DAB1: variants seen among roughly 807,000 people sequenced by gnomAD.
The protein encoded by DAB1 is disabled homolog 1.
Under a neutral mutation model 64.6 loss-of-function variants are expected in DAB1, and 15 were observed. The ratio of observed to expected loss-of-function variants is 0.23; its 90% CI spans 0.16 to 0.36. The LOEUF (loss-of-function observed/expected upper bound fraction) is 0.36, where lower values mean the gene tolerates loss of function less well. Ranked by LOEUF, DAB1 falls within the 10% of genes least tolerant of loss-of-function variation. DAB1 has a pLI of 1.00. For missense variants in DAB1, 596 were observed against 706.7 expected, an observed-to-expected ratio of 0.84 and a Z score of 1.78; for synonymous variants, 235 against 251.9, an observed-to-expected ratio of 0.93 and a Z score of 0.64.
intron 5 of DAB1, among the ~76,000 whole-genome samples, chr1:58,077,020 T>C (rs1649694782): frequency 6.6e-6 from 1 of 152,184 alleles, no homozygotes; most frequent in Non-Finnish European, 1.5e-5. Flanking sequence ...TCAGGCCCTG[T>C]GCAAGCAAAG....
At chr1:57,453,317 T>G (rs1686460258) in intron 7 of DAB1, among the ~76,000 whole-genome samples, 1 of 152,188 alleles carries the variant, frequency 6.6e-6, no homozygotes, top group Admixed American at 6.5e-5. Context: ...TCTGTATTCA[T>G]GTATGAGAAA....
At chr1:57,143,848 T>A (rs1269045301) in intron 3 of DAB1, among the ~76,000 whole-genome samples, 1 of 151,864 alleles carries the variant, frequency 6.6e-6, no homozygotes, top group African/African-American at 2.4e-5. Flanking sequence ...CTTTTCTTTC[T>A]TTTACATTTG....
At chr1:58,519,025 TTA>T (rs1385056339) in intron 2 of DAB1, among the ~76,000 whole-genome samples, 1 of 152,172 alleles carries the variant, frequency 6.6e-6, no homozygotes, top group African/African-American at 2.4e-5. Flanking sequence ...AGTTCATGCA[TTA>T]TCTCTACACT....
At chr1:57,762,934 C>A (rs989633926) in intron 6 of DAB1, among the ~76,000 whole-genome samples, 3 of 152,194 alleles carry the variant, frequency 2.0e-5, no homozygotes, top group Non-Finnish European at 4.4e-5. Flanking sequence ...GTGGGCTAGG[C>A]CCTGACGTAG....
intron 4 of DAB1, among the ~76,000 whole-genome samples, chr1:58,201,151 G>C (rs532468491): frequency 3.7e-4 from 56 of 151,938 alleles, no homozygotes; most frequent in Admixed American, 2.5e-3. Context: ...CGAGTAACTG[G>C]GACTACAGGT....
At chr1:58,180,291 T>TTTC (rs1225331554) in intron 4 of DAB1, among the ~76,000 whole-genome samples, 32 of 119,392 alleles carry the variant, frequency 2.7e-4, no homozygotes, top group African/African-American at 6.7e-4. Flanking sequence ...CTTTTTTTTT[T>TTTC]TTTTTTTTTT....
chr1:58,043,428 C>T (rs551813061), intron 5 of DAB1, among the ~76,000 whole-genome samples: 1 of 152,286 alleles, frequency 6.6e-6, no homozygotes, highest in East Asian at 1.9e-4. Context: ...CAGAGACAGT[C>T]TAGCCCAAAC....
chr1:57,236,642 C>T (rs1246135870), intron 2 of DAB1, among the ~76,000 whole-genome samples: 1 of 152,172 alleles, frequency 6.6e-6, no homozygotes, highest in Non-Finnish European at 1.5e-5. Context: ...TGCTACAGAG[C>T]TTATCTTTTC....
rs59263518 is a variant in DAB1, at chr1:57,553,442, G to GAAAGAAAA, written n.625+96149_625+96150insTTTTCTTT. 5.3e-4 allele frequency among the ~76,000 whole-genome samples: 36 copies of GAAAGAAAA among 68,190 alleles called. 6 individuals are homozygous for GAAAGAAAA. The highest frequency in any genetic ancestry group is 9.8e-4 in the Non-Finnish European group (35 of 35,792). 44.7% of individuals were successfully genotyped at this position (68,190 alleles called of 152,430 possible). A position where few individuals can be genotyped will look rare whatever the true frequency, so the allele number is the denominator to read the frequency against. ...AGAAAGAAAGAAAGAAAGAAAGAAAGAGAAAGAAAGAAAGAAAGAGAAAGG... is the reference window on the plus strand; with the variant it reads ...AGAAAGAAAGAAAGAAAGAAAGAAAGAAAGAAAAAGAAAGAAAGAAAGAAAGAGAAAGG... On this transcript the variant is annotated intron_variant and non_coding_transcript_variant, in intron 7 of 20. Transcript: ENST00000485760.
intron 7 of DAB1, among the ~76,000 whole-genome samples, chr1:57,443,381 T>C (rs1210274961): frequency 6.6e-6 from 1 of 152,248 alleles, no homozygotes; most frequent in East Asian, 1.9e-4. Flanking sequence ...AACACATTCA[T>C]GTGCCATGTC....
chr1:58,230,381 A>G (rs1035053155), intron 4 of DAB1, among the ~76,000 whole-genome samples: 2 of 152,184 alleles, frequency 1.3e-5, no homozygotes, highest in Admixed American at 6.5e-5. Context: ...GTCATCACCA[A>G]TCTCCACATC....
chr1:57,592,996 C>T (rs1362244266), intron 7 of DAB1, among the ~76,000 whole-genome samples: 1 of 152,208 alleles, frequency 6.6e-6, no homozygotes, highest in African/African-American at 2.4e-5. Flanking sequence ...TGGAGAGACA[C>T]AGTTCAGTCC....
chr1:58,319,341 T>C lies in DAB1; in HGVS notation n.309+24011A>G, dbSNP rs188268877. ...TTCTGCTTCCTATTTCATTTTCACATTCCTTTTGCATTTGGATGCTTTCAC... is the reference window on the plus strand; with the variant it reads ...TTCTGCTTCCTATTTCATTTTCACACTCCTTTTGCATTTGGATGCTTTCAC... On this transcript the variant is annotated intron_variant and non_coding_transcript_variant, in intron 4 of 20. Transcript: ENST00000485760. 3.9e-5 allele frequency among the ~76,000 whole-genome samples: 6 copies of C among 152,362 alleles called. No homozygotes were observed. The East Asian group carries it at 1.2e-3, about 29-fold the overall frequency.
chr1:57,584,126 C>T (rs1570648865), intron 7 of DAB1, among the ~76,000 whole-genome samples: 1 of 152,202 alleles, frequency 6.6e-6, no homozygotes, highest in South Asian at 2.1e-4. Flanking sequence ...TTCAGCCACT[C>T]ATAAACTGTT....
chr1:57,564,969 T>C (rs1299713259), intron 7 of DAB1, among the ~76,000 whole-genome samples: 1 of 151,996 alleles, frequency 6.6e-6, no homozygotes, highest in Non-Finnish European at 1.5e-5. Flanking sequence ...AGACACATAA[T>C]TGTCAGTTCA....
intron 1 of DAB1, chr1:57,867,475 T>A (rs1654358290): frequency 6.6e-6 from 1 of 152,212 alleles, no homozygotes; most frequent in Non-Finnish European, 1.5e-5. Flanking sequence ...AATTTCCCTT[T>A]TCTTCTTCCC....
Position 58,068,392 on chromosome 1 carries a change from G to A in DAB1, n.387+82119C>T, listed in dbSNP as rs188847021. 9.9e-4 allele frequency among the ~76,000 whole-genome samples: 151 copies of A among 152,204 alleles called. 1 individual carries two copies. Among genetic ancestry groups the A allele is most frequent in the Admixed American group, 2.7e-3 (41 of 15,284 alleles). On this transcript the variant is annotated intron_variant and non_coding_transcript_variant, in intron 5 of 20. Transcript: ENST00000485760. Reference sequence around the variant, plus strand: ...GATGCATTCATTCACTATTTGTCAGGAACATAGCAAAGCTCAAAAAGATGT... The same window carrying A: ...GATGCATTCATTCACTATTTGTCAGAAACATAGCAAAGCTCAAAAAGATGT...
chr1:57,067,632 A>C (rs1651049731), intron 8 of DAB1, among the ~76,000 whole-genome samples: 1 of 152,182 alleles, frequency 6.6e-6, no homozygotes, highest in African/African-American at 2.4e-5. Context: ...TCTCTAAAAA[A>C]ATCAAAGTCC....
intron 7 of DAB1, among the ~76,000 whole-genome samples, chr1:57,642,092 G>T (rs1035456831): frequency 6.6e-6 from 1 of 152,040 alleles, no homozygotes; most frequent in African/African-American, 2.4e-5. Context: ...ATATGGAAGT[G>T]CTCAGTGATT....
Sources: allele counts gnomAD v4.1 joint callset (sites outside exome capture counted in the v4.1 genomes callset), GRCh38; gene constraint gnomAD v4.1.1; transcripts MANE v1.5; gene names NCBI Gene and HGNC (gene_info 2026-07-23, HGNC 2026-07-21).